Variants in SHPRH observed in about 807,000 individuals in gnomAD.
SHPRH encodes SNF2 histone linker PHD RING helicase, also known as E3 ubiquitin-protein ligase SHPRH.
In SHPRH, 106 loss-of-function variants were observed where a neutral mutation model predicts 202.5. The observed-to-expected ratio is 0.52, with a 90% CI of 0.45 to 0.62. The LOEUF (loss-of-function observed/expected upper bound fraction) is 0.62, where lower values mean the gene tolerates loss of function less well. SHPRH is among the 20% of genes least tolerant of loss of function. SHPRH has a pLI of 0.00. For synonymous variants in SHPRH, 729 were observed against 686.0 expected (o/e 1.06, Z -0.98); for missense variants, 1,710 against 2,020.0 (o/e 0.85, Z 2.94).
At chr6:145,947,164 A>G (rs896847141) in intron 6 of SHPRH, among the ~76,000 whole-genome samples, 1 of 152,070 alleles carries the variant, frequency 6.6e-6, no homozygotes, top group African/African-American at 2.4e-5. Context: ...AAAAATATTT[A>G]GTAGTAATAT....
At chr6:145,913,055 T>A (rs2128739939) in intron 24 of SHPRH, among the ~76,000 whole-genome samples, 1 of 152,226 alleles carries the variant, frequency 6.6e-6, no homozygotes, top group South Asian at 2.1e-4. Flanking sequence ...GAAGAACAAG[T>A]ATTATGAGAC....
chr6:145,907,799 AC>A, intron 25 of SHPRH: 1 of 141,366 alleles, frequency 7.1e-6, no homozygotes, highest in African/African-American at 3.2e-5. Flanking sequence ...ACAAAACAAA[AC>A]AAAACAAAAC....
downstream of SHPRH, among the ~76,000 whole-genome samples, chr6:145,862,428 C>CAAAACAA (rs1779611723): frequency 7.0e-6 from 1 of 142,656 alleles, no homozygotes; most frequent in Admixed American, 6.8e-5. Flanking sequence ...CAAAACAAAA[C>CAAAACAA]AAAACAAAAC....
At chr6:145,877,651 T>C (rs1780364695) in intron 2 of SHPRH, 1 of 152,232 alleles carries the variant, frequency 6.6e-6, no homozygotes, top group African/African-American at 2.4e-5. Context: ...ATCCAGTGGA[T>C]AATCAACTAA....
At chr6:145,939,341 C>A (rs556572764) in intron 11 of SHPRH, among the ~76,000 whole-genome samples, 1 of 152,220 alleles carries the variant, frequency 6.6e-6, no homozygotes, top group African/African-American at 2.4e-5. Flanking sequence ...CAAAACTTTT[C>A]AAATGTGGTA....
At chr6:145,939,290 T>C (rs1786475876) in intron 11 of SHPRH, among the ~76,000 whole-genome samples, 1 of 152,228 alleles carries the variant, frequency 6.6e-6, no homozygotes, top group Non-Finnish European at 1.5e-5. Context: ...CGACGAAACT[T>C]GCCTTATTGT....
At chr6:145,934,622 A>G (rs1181766028) in intron 13 of SHPRH, among the ~76,000 whole-genome samples, 1 of 151,148 alleles carries the variant, frequency 6.6e-6, no homozygotes, top group South Asian at 2.1e-4. Flanking sequence ...CTATGATCAC[A>G]CCACTGCACT....
rs1164673784 is a variant in SHPRH, at chr6:145,943,627, T to C, written c.1754A>G (p.Lys585Arg). The C allele has an allele frequency of 6.2e-7, 1 of 1,613,802 alleles. No individual in the cohort carries two copies. The highest frequency in any genetic ancestry group is 2.2e-5 in the East Asian group (1 of 44,870). ...KLRKKLVPST[K>R]KGKSQPFINP... ...GATAAATGGTTGACTTTTTCCTTTT[T>C]TTGTGGATGGAACAAGCTTTTTCCT... is the stretch of plus-strand genomic sequence containing the variant. Residue 585 changes from lysine (K) to arginine (R), a missense_variant, in exon 9 of 30, where the codon AAA becomes AGA. Lys to Arg is a conservative substitution (Grantham distance 26, BLOSUM62 2). Transcript: ENST00000275233.
At chr6:145,903,406 G>T (rs1046159451) in intron 25 of SHPRH, 1 of 142,754 alleles carries the variant, frequency 7.0e-6, no homozygotes, top group Non-Finnish European at 1.5e-5. Flanking sequence ...AGGCTTCTCT[G>T]TGAGTTGGAA....
At chr6:145,890,134 ACTC>A (rs1385219814) in intron 28 of SHPRH, among the ~76,000 whole-genome samples, 2 of 151,748 alleles carry the variant, frequency 1.3e-5, no homozygotes, top group Admixed American at 6.6e-5. Context: ...CTGCAGCAAA[ACTC>A]CTCAAAATAC....
rs771919678 is a variant in SHPRH at position 145,893,388 on chromosome 6, G to A, written c.4701C>T (p.Asn1567=). ...GGGGATCACGTTTAAATGCTGAAAG[G>A]TTCTCCTAAAAAAGAAAGGTACATT... ...QISRVKTFQE[N]LSAFKRDPQI... The change falls in exon 28 of 30, where the codon AAC becomes AAT. Residue 1567 remains asparagine, a synonymous_variant. Transcript: ENST00000275233. 1 of 1,582,212 alleles carries A rather than the reference G, an allele frequency of 6.3e-7. No individual in the cohort carries two copies. Among genetic ancestry groups the A allele is most frequent in the South Asian group, 1.2e-5 (1 of 85,840 alleles).
chr6:145,952,749 A>C (rs1788111661), intron 2 of SHPRH, among the ~76,000 whole-genome samples: 1 of 152,102 alleles, frequency 6.6e-6, no homozygotes, highest in Non-Finnish European at 1.5e-5. Context: ...TGATAAGAAC[A>C]CCTAGTTCTA....
intron 25 of SHPRH, among the ~76,000 whole-genome samples, chr6:145,897,292 A>C (rs1782096903): frequency 6.6e-6 from 1 of 152,096 alleles, no homozygotes; most frequent in African/African-American, 2.4e-5. Context: ...ATCTAGAAGA[A>C]ATGGATAAAT....
In SHPRH at chr6:145,941,761, G is replaced by C; in HGVS notation, c.2352C>G (p.Ile784Met). The change falls in exon 10 of 30, where the codon ATC (isoleucine) becomes ATG (methionine). Residue 784 changes from isoleucine (I) to methionine (M), a missense_variant. Ile to Met is a conservative substitution (Grantham distance 10). Transcript: ENST00000275233. ...VLRSELNYVD[I>M]PHSNSEDGRR... ...GCCCATCCTCACTATTGCTATGTGG[G>C]ATATCGACATAATTTAATTCTGAAC... is the stretch of plus-strand genomic sequence containing the variant. The C allele has an allele frequency of 6.2e-7, 1 of 1,613,956 alleles. No homozygotes were observed. Among genetic ancestry groups the C allele is most frequent in the South Asian group, 1.1e-5 (1 of 91,076 alleles).
In SHPRH at chr6:145,893,308, A is replaced by G. The variant is rs1781727388; in HGVS notation, c.4781T>C (p.Ile1594Thr). 6.2e-7 allele frequency: 1 copy of G among 1,606,652 alleles called. No individual in the cohort carries two copies. The highest frequency in any genetic ancestry group is 1.1e-5 in the South Asian group (1 of 89,878). The change falls in exon 28 of 30, where the codon ATT becomes ACT. Residue 1594 changes from isoleucine (I) to threonine (T), a missense_variant. Coordinates refer to ENST00000275233, the MANE Select transcript of SHPRH (RefSeq NM_001042683.3). ...CACCAAGAGAACATGAGTTGCTTCAATGATAGTTAATCCATTAGAACCTGT... is the reference window on the plus strand; with the variant it reads ...CACCAAGAGAACATGAGTTGCTTCAGTGATAGTTAATCCATTAGAACCTGT... ...LHTGSNGLTI[I>T]EATHVLLVEP...
At chr6:145,911,843 C>T (rs1234210747) in intron 24 of SHPRH, among the ~76,000 whole-genome samples, 1 of 152,064 alleles carries the variant, frequency 6.6e-6, no homozygotes, top group Non-Finnish European at 1.5e-5. Flanking sequence ...TGCCTATTAA[C>T]AGCTAATACT....
intron 1 of SHPRH, among the ~76,000 whole-genome samples, chr6:145,963,275 A>G (rs1789291512): frequency 6.6e-6 from 1 of 152,190 alleles, no homozygotes; most frequent in Non-Finnish European, 1.5e-5. Flanking sequence ...GAGTTTCATC[A>G]TTCCTACTAA....
chr6:145,913,731 A>G (rs1037260519), intron 23 of SHPRH, among the ~76,000 whole-genome samples, 182 bp from the exon 24 acceptor site: 2 of 152,178 alleles, frequency 1.3e-5, no homozygotes, highest in Non-Finnish European at 2.9e-5. Flanking sequence ...TTCCTTACAA[A>G]TATCATTTAT....
intron 6 of SHPRH, among the ~76,000 whole-genome samples, chr6:145,947,014 A>G (rs1031480375): frequency 6.6e-6 from 1 of 152,028 alleles, no homozygotes; most frequent in Non-Finnish European, 1.5e-5. Flanking sequence ...AAACACAATT[A>G]TGTATTTTGG....
Sources: allele counts gnomAD v4.1 joint callset (sites outside exome capture counted in the v4.1 genomes callset), GRCh38; gene constraint gnomAD v4.1.1; transcripts MANE v1.5; gene names NCBI Gene and HGNC (gene_info 2026-07-23, HGNC 2026-07-21).